TSBP1: variants seen among roughly 807,000 people sequenced by gnomAD.
TSBP1 encodes the protein testis-expressed basic protein 1.
Under a neutral mutation model 68.8 loss-of-function variants are expected in TSBP1, and 56 were observed. The ratio of observed to expected loss-of-function variants is 0.81; its 90% CI spans 0.66 to 1.02. The LOEUF (loss-of-function observed/expected upper bound fraction) is 1.02. Among genes scored for constraint, TSBP1 ranks in the 50% least tolerant of loss-of-function variants. The pLI, the probability that TSBP1 is intolerant of heterozygous loss-of-function variation, is 0.00. For synonymous variants in TSBP1, 171 were observed against 208.7 expected, an observed-to-expected ratio of 0.82 and a Z score of 1.56; for missense variants, 502 against 641.2, an observed-to-expected ratio of 0.78 and a Z score of 2.34.
chr6:32,369,723 A>G (rs2127668146), intron 2 of TSBP1, among the ~76,000 whole-genome samples, 174 bp downstream of exon 2: 1 of 152,320 alleles, frequency 6.6e-6, no homozygotes, highest in East Asian at 1.9e-4. Context: ...TTAAAAGTGC[A>G]GGGACAATCA....
At chr6:32,322,048 A>G (rs1173917758) in intron 18 of TSBP1, among the ~76,000 whole-genome samples, 1 of 152,152 alleles carries the variant, frequency 6.6e-6, no homozygotes, top group African/African-American at 2.4e-5. Context: ...TGGCATCTGC[A>G]TTTTTAACCT....
chr6:32,336,002 T>G lies in TSBP1; in HGVS notation c.431-70A>C. On this transcript the variant is annotated intron_variant, in intron 12 of 22. Coordinates refer to ENST00000612031, the Ensembl canonical transcript of TSBP1. This position sits in a 1 kb window ranked among gnomAD's most constrained non-coding sequence, Gnocchi z 5.2. ...TCACCACTGTGAAGGAAATTTCCAT[T>G]TCCCAACACTCGCTCTAGGGAGTAT... The G allele has an allele frequency of 8.0e-7, 1 of 1,245,068 alleles. No homozygotes were observed. Among genetic ancestry groups the G allele is most frequent in the Non-Finnish European group, 1.2e-6 (1 of 854,568 alleles). The allele number at this position is 1,245,068 out of a possible 1,614,324, so 77.1% of individuals were successfully genotyped here.
intron 18 of TSBP1, chr6:32,320,067 T>A (rs1244502548): frequency 6.7e-6 from 3 of 448,352 alleles, no homozygotes; most frequent in Non-Finnish European, 1.3e-5. Flanking sequence ...CACTCACCAC[T>A]CACATGGTGC....
At chr6:32,310,318 C>T (rs143232606) in intron 19 of TSBP1, among the ~76,000 whole-genome samples, 137 of 152,066 alleles carry the variant, frequency 9.0e-4, no homozygotes, top group Middle Eastern at 3.4e-3. Context: ...TTTCAGTGGA[C>T]CATTATGATC....
rs115544743 is a variant in TSBP1, at chr6:32,318,919, T to A, written c.560-3127A>T. On this transcript the variant is annotated intron_variant, in intron 18 of 22. Coordinates refer to ENST00000612031, the Ensembl canonical transcript of TSBP1. ...GAGTGAATTGTGTCATATGTGAATA[T>A]CATCTCAATAAAGCTGTTATTTACA... Among the ~76,000 whole-genome samples the A allele has an allele frequency of 7.3e-3, 1,115 of 152,294 alleles. 10 individuals carry two copies. The highest frequency in any genetic ancestry group is 0.023 in the African/African-American group (944 of 41,550).
Position 32,314,208 on chromosome 6 carries a change from C to G in TSBP1, c.580+1564G>C, listed in dbSNP as rs1766713632. 6.6e-6 allele frequency among the ~76,000 whole-genome samples: 1 copy of G among 152,114 alleles called. No individual in the cohort carries two copies. The highest frequency in any genetic ancestry group is 6.5e-5 in the Admixed American group (1 of 15,276). ...TTTTTCATTTAAAAATATTTCCAGC[C>G]AAGACTTAGCCAGCCAAAAATGAGG... On this transcript the variant is annotated intron_variant, in intron 19 of 22. Transcript: ENST00000612031. The surrounding 1 kb of genome is among the most constrained non-coding windows in gnomAD (Gnocchi z 4.2).
intron 21 of TSBP1, among the ~76,000 whole-genome samples, chr6:32,300,434 C>G (rs1765167344): frequency 6.6e-6 from 1 of 151,988 alleles, no homozygotes; most frequent in Non-Finnish European, 1.5e-5. Context: ...GATAGATTAG[C>G]TGGGAATATA....
In TSBP1 at chr6:32,316,527, G is replaced by C. The variant is rs1422661532; in HGVS notation, c.560-735C>G. 1.3e-6 allele frequency: 1 copy of C among 792,192 alleles called. No homozygotes were observed. Among genetic ancestry groups the C allele is most frequent in the Non-Finnish European group, 2.1e-6 (1 of 483,690 alleles). The allele number at this position is 792,192 out of a possible 1,614,324, so 49.1% of individuals were successfully genotyped here. ...TAGTCACACAGCTCTGGATGACAAT[G>C]GCTAATTCTCTGTTAAAAGCTCCAA... On this transcript the variant is annotated intron_variant, in intron 18 of 22. Transcript: ENST00000612031. This position sits in a 1 kb window ranked among gnomAD's most constrained non-coding sequence, Gnocchi z 4.5.
chr6:32,365,881 T>G lies in TSBP1; in HGVS notation c.217+286A>C. On this transcript the variant is annotated intron_variant, in intron 6 of 22. Coordinates refer to ENST00000612031, the Ensembl canonical transcript of TSBP1. The surrounding 1 kb of genome is among the most constrained non-coding windows in gnomAD (Gnocchi z 4.3). ...GGATAGTTGTCTAAATTGATGCTTC[T>G]GTGTGGGAAGAAAGCTCCTATTCTA... is the stretch of plus-strand genomic sequence containing the variant. 3.8e-6 allele frequency: 2 copies of G among 529,514 alleles called. No individual in the cohort carries two copies. The highest frequency in any genetic ancestry group is 7.3e-6 in the Non-Finnish European group (2 of 275,434). The allele number at this position is 529,514 out of a possible 1,614,324, so 32.8% of individuals were successfully genotyped here.
rs1324718690 is a variant in TSBP1 at position 32,337,462 on chromosome 6, A to C, written c.410-827T>G. Among the ~76,000 whole-genome samples the C allele has an allele frequency of 6.6e-6, 1 of 152,194 alleles. No homozygotes were observed. The highest frequency in any genetic ancestry group is 1.5e-5 in the Non-Finnish European group (1 of 68,026). On this transcript the variant is annotated intron_variant, in intron 11 of 22. Transcript: ENST00000612031. The surrounding 1 kb of genome is among the most constrained non-coding windows in gnomAD (Gnocchi z 5.5). ...TTGCTTAGCTAGAATCTATAGCCTC[A>C]TCTGAAGGAGACAGTGGGAATTGCT...
At chr6:32,368,057 G>T in intron 3 of TSBP1, 100 bp from the exon 4 acceptor site, 1 of 897,346 alleles carries the variant, frequency 1.1e-6, no homozygotes. Context: ...TCCTAATGGT[G>T]AATAATGATG....
chr6:32,369,084 CAG>C (rs1774091233), intron 2 of TSBP1, among the ~76,000 whole-genome samples: 1 of 152,032 alleles, frequency 6.6e-6, no homozygotes. Flanking sequence ...GGGAGAGAAA[CAG>C]AAAAATCCAG....
intron 8 of TSBP1, among the ~76,000 whole-genome samples, chr6:32,354,907 A>G (rs976988839): frequency 1.3e-5 from 2 of 152,136 alleles, no homozygotes; most frequent in Admixed American, 6.5e-5. Context: ...AAATATATTA[A>G]TAAGCCTTTG....
At chr6:32,330,799 T>C (rs1328361716) in intron 15 of TSBP1, among the ~76,000 whole-genome samples, 190 bp from the exon 17 acceptor site, 1 of 152,000 alleles carries the variant, frequency 6.6e-6, no homozygotes, top group Non-Finnish European at 1.5e-5. Flanking sequence ...GCCTCCTGAG[T>C]AGCAGGGATT....
intron 9 of TSBP1, among the ~76,000 whole-genome samples, chr6:32,345,319 A>G (rs1770879975): frequency 6.6e-6 from 1 of 152,118 alleles, no homozygotes; most frequent in Non-Finnish European, 1.5e-5. Flanking sequence ...AAACTGAAAT[A>G]TGGTTCCTGG....
In TSBP1 at chr6:32,357,081, T is replaced by C. The variant is rs963384795; in HGVS notation, c.218-1412A>G. On this transcript the variant is annotated intron_variant, in intron 6 of 22. Coordinates refer to ENST00000612031, the Ensembl canonical transcript of TSBP1. The surrounding 1 kb of genome is among the most constrained non-coding windows in gnomAD (Gnocchi z 4.7). ...TTTATATTCCTATGTCTAGAAATAA[T>C]GGAGGGAAGACTAGCAGGGCGTGGG... 1.3e-5 allele frequency among the ~76,000 whole-genome samples: 2 copies of C among 152,142 alleles called. No individual in the cohort carries two copies. Among genetic ancestry groups the C allele is most frequent in the African/African-American group, 4.8e-5 (2 of 41,426 alleles).
chr6:32,314,658 C>A lies in TSBP1; in HGVS notation c.580+1114G>T, dbSNP rs1448771277. Among the ~76,000 whole-genome samples, 2 of 152,162 alleles carry A rather than the reference C, an allele frequency of 1.3e-5. No homozygotes were observed. Among genetic ancestry groups the A allele is most frequent in the Non-Finnish European group, 2.9e-5 (2 of 68,026 alleles). ...GTTCCATTTCTCTTCACTCAAATAC[C>A]AATGTCTTTGTCCTAACATTATTGA... On this transcript the variant is annotated intron_variant, in intron 19 of 22. Coordinates refer to ENST00000612031, the Ensembl canonical transcript of TSBP1. The surrounding 1 kb of genome is among the most constrained non-coding windows in gnomAD (Gnocchi z 4.2).
rs114997402 is a variant in TSBP1 at position 32,346,484 on chromosome 6, C to T, written c.349+3256G>A. On this transcript the variant is annotated intron_variant, in intron 9 of 22. Transcript: ENST00000612031. Reference sequence around the variant, plus strand: ...TTCATATCAGCAAATTTTCCTGTATCTTTAACTTCTCCAAACGTTTTCTTC... The same window carrying T: ...TTCATATCAGCAAATTTTCCTGTATTTTTAACTTCTCCAAACGTTTTCTTC... 9.0e-4 allele frequency among the ~76,000 whole-genome samples: 137 copies of T among 152,288 alleles called. 1 individual carries two copies. The highest frequency in any genetic ancestry group is 6.8e-3 in the Middle Eastern group (2 of 294).
chr6:32,318,842 G>A (rs1413850107), intron 18 of TSBP1, among the ~76,000 whole-genome samples: 1 of 152,108 alleles, frequency 6.6e-6, no homozygotes, highest in African/African-American at 2.4e-5. Context: ...TGTGGTGATG[G>A]TTGCACAACC....
Sources: gnomAD v4.1 joint callset for allele counts (sites outside exome capture counted in the v4.1 genomes callset) on GRCh38, gnomAD v4.1.1 for gene constraint, Gnocchi (gnomAD v3.1) non-coding constraint, MANE v1.5 for transcripts, NCBI Gene and HGNC (gene_info 2026-07-23, HGNC 2026-07-21) for gene names.